Variants in UBTD1 observed in about 807,000 individuals in gnomAD.
UBTD1 encodes ubiquitin domain containing 1, also known as ubiquitin domain-containing protein 1.
A neutral mutation model predicts 21.7 loss-of-function variants in UBTD1; 19 were observed. The ratio of observed to expected loss-of-function variants is 0.87; its 90% CI spans 0.61 to 1.28. The LOEUF is 1.28. UBTD1 is among the 50% of genes most tolerant of loss of function. UBTD1 has a pLI of 0.00. For missense variants in UBTD1, 282 were observed against 315.1 expected (o/e 0.89, Z 0.80); for synonymous variants, 116 against 135.1 (o/e 0.86, Z 0.98).
In UBTD1 at chr10:97,570,376, C is replaced by A. The variant is rs376923046; in HGVS notation, c.537C>A (p.His179Gln). 6.2e-7 allele frequency: 1 copy of A among 1,613,302 alleles called. No individual in the cohort carries two copies. Among genetic ancestry groups the A allele is most frequent in the Non-Finnish European group, 8.5e-7 (1 of 1,179,980 alleles). ...TGGGGCAGCTCAAGAGGCAGCTGCA[C>A]GCCCAGGAGGGCATCGAGCCATCGT... ...DTVGQLKRQL[H>Q]AQEGIEPSWQ... is the part of the protein sequence containing the mutation. The change falls in exon 3 of 3, where the codon CAC becomes CAA. Residue 179 changes from histidine (H) to glutamine (Q), a missense_variant. His to Gln is a conservative substitution (Grantham distance 24). Transcript: ENST00000370664. This position sits in a 1 kb window ranked among gnomAD's most constrained non-coding sequence, Gnocchi z 6.6.
rs1372496846 is a variant in UBTD1, at chr10:97,570,495, T to G, written c.656T>G (p.Ile219Ser). ...IQKDFVIQVI[I>S]NQPPPPQD is the part of the protein sequence containing the mutation. ...AAAGATTTTGTCATCCAGGTCATCATCAACCAGCCCCCACCACCCCAGGAC... is the reference window on the plus strand; with the variant it reads ...AAAGATTTTGTCATCCAGGTCATCAGCAACCAGCCCCCACCACCCCAGGAC... The change falls in exon 3 of 3, where the codon ATC (isoleucine) becomes AGC (serine). Residue 219 changes from isoleucine (I) to serine (S), a missense_variant. Physicochemically the swap from Ile to Ser is moderately radical, Grantham distance 142. Coordinates refer to ENST00000370664, the MANE Select transcript of UBTD1 (RefSeq NM_024954.5). The surrounding 1 kb of genome is among the most constrained non-coding windows in gnomAD (Gnocchi z 6.6). 4 of 1,609,438 alleles carry G rather than the reference T, an allele frequency of 2.5e-6. No individual in the cohort carries two copies. Among genetic ancestry groups the G allele is most frequent in the Non-Finnish European group, 3.4e-6 (4 of 1,177,240 alleles).
intron 1 of UBTD1, among the ~76,000 whole-genome samples, chr10:97,553,587 C>CACTT (rs1334435221): frequency 1.3e-5 from 2 of 152,208 alleles, no homozygotes; most frequent in Non-Finnish European, 2.9e-5. Context: ...CTCCTATACA[C>CACTT]ACTTACCTCT....
chr10:97,500,386 A>G (rs992522453), intron 1 of UBTD1, among the ~76,000 whole-genome samples: 4 of 152,230 alleles, frequency 2.6e-5, no homozygotes, highest in African/African-American at 9.6e-5. Context: ...GAAGCAGGGA[A>G]GGATGTCTGC....
At chr10:97,569,315 T>C (rs1456809802) in intron 2 of UBTD1, among the ~76,000 whole-genome samples, 2 of 152,236 alleles carry the variant, frequency 1.3e-5, no homozygotes, top group African/African-American at 4.8e-5. Flanking sequence ...AATAAACATA[T>C]TTCTCCATGC....
At position 97,570,376 on chromosome 10, in the gene UBTD1, C is replaced by T. The variant is rs376923046; in HGVS notation, c.537C>T (p.His179=). Residue 179 remains histidine, a synonymous_variant, in exon 3 of 3, where the codon CAC becomes CAT. Coordinates refer to ENST00000370664, the MANE Select transcript of UBTD1 (RefSeq NM_024954.5). This position sits in a 1 kb window ranked among gnomAD's most constrained non-coding sequence, Gnocchi z 6.6. ...DTVGQLKRQL[H]AQEGIEPSWQ... ...TGGGGCAGCTCAAGAGGCAGCTGCA[C>T]GCCCAGGAGGGCATCGAGCCATCGT... The T allele has an allele frequency of 1.3e-5, 21 of 1,613,302 alleles. No individual in the cohort carries two copies. Among genetic ancestry groups the T allele is most frequent in the African/African-American group, 9.3e-5 (7 of 75,062 alleles).
chr10:97,543,028 G>A (rs1472630474), intron 1 of UBTD1, among the ~76,000 whole-genome samples: 1 of 152,262 alleles, frequency 6.6e-6, no homozygotes, highest in East Asian at 1.9e-4. Flanking sequence ...ATCCCAGGGA[G>A]CAGGCTCCAG....
intron 1 of UBTD1, among the ~76,000 whole-genome samples, chr10:97,556,203 A>G (rs1271670903): frequency 6.6e-6 from 1 of 152,106 alleles, no homozygotes; most frequent in South Asian, 2.1e-4. Flanking sequence ...CTGGGAACCA[A>G]TTTCCAAACA....
chr10:97,550,654 C>A (rs2040632858), intron 1 of UBTD1, among the ~76,000 whole-genome samples: 1 of 152,120 alleles, frequency 6.6e-6, no homozygotes, highest in Non-Finnish European at 1.5e-5. Flanking sequence ...TAGGGTCTGC[C>A]ATCCTTCCTT....
At chr10:97,528,077 C>T (rs1340592096) in intron 1 of UBTD1, among the ~76,000 whole-genome samples, 1 of 131,772 alleles carries the variant, frequency 7.6e-6, no homozygotes. Flanking sequence ...GGGCGGGGGG[C>T]TGACTCCCCC....
intron 1 of UBTD1, among the ~76,000 whole-genome samples, chr10:97,547,549 A>G (rs896480508): frequency 3.3e-5 from 5 of 152,088 alleles, no homozygotes; most frequent in South Asian, 4.2e-4. Flanking sequence ...AGACATCCCT[A>G]TGGCAGGAGT....
intron 1 of UBTD1, among the ~76,000 whole-genome samples, chr10:97,523,868 G>C (rs1014864237): frequency 6.6e-6 from 1 of 152,110 alleles, no homozygotes; most frequent in Non-Finnish European, 1.5e-5. Flanking sequence ...CCTTGTTCCT[G>C]CTGCTTCTGT....
At chr10:97,513,245 A>G (rs923048964) in intron 1 of UBTD1, among the ~76,000 whole-genome samples, 1 of 152,220 alleles carries the variant, frequency 6.6e-6, no homozygotes, top group African/African-American at 2.4e-5. Context: ...TTATACATGT[A>G]TATCTCATCA....
At chr10:97,518,877 C>T (rs1304694581) in intron 1 of UBTD1, among the ~76,000 whole-genome samples, 1 of 152,188 alleles carries the variant, frequency 6.6e-6, no homozygotes, top group African/African-American at 2.4e-5. Flanking sequence ...AGTACCAAAC[C>T]TTTTCCATGT....
At chr10:97,544,494 G>A (rs532895880) in intron 1 of UBTD1, among the ~76,000 whole-genome samples, 5 of 152,246 alleles carry the variant, frequency 3.3e-5, no homozygotes, top group Admixed American at 6.5e-5. Flanking sequence ...CTTGAACAAC[G>A]CAGGGTTAGG....
intron 1 of UBTD1, among the ~76,000 whole-genome samples, chr10:97,527,416 C>T (rs1412654522): frequency 1.3e-5 from 2 of 151,610 alleles, no homozygotes; most frequent in Non-Finnish European, 2.9e-5. Flanking sequence ...TGTCACTGGC[C>T]CAGAGGCCCT....
At chr10:97,510,720 G>A (rs572441687) in intron 1 of UBTD1, among the ~76,000 whole-genome samples, 15 of 152,210 alleles carry the variant, frequency 9.9e-5, no homozygotes, top group African/African-American at 3.4e-4. Context: ...GTGTGTCCTG[G>A]GTTATCTACT....
At chr10:97,523,131 A>AT (rs1198345508) in intron 1 of UBTD1, among the ~76,000 whole-genome samples, 1 of 152,212 alleles carries the variant, frequency 6.6e-6, no homozygotes, top group Non-Finnish European at 1.5e-5. Context: ...ACCTGGGAGC[A>AT]TTAACATCAG....
Position 97,570,380 on chromosome 10 carries a change from C to T in UBTD1, c.541C>T (p.Gln181Ter). ...VGQLKRQLHA[Q>*]EGIEPSWQRW... ...GCAGCTCAAGAGGCAGCTGCACGCC[C>T]AGGAGGGCATCGAGCCATCGTGGCA... Residue 181 changes from glutamine (Q) to a stop codon, truncating the protein, a stop_gained, in exon 3 of 3, where the codon CAG becomes TAG. Coordinates refer to ENST00000370664, the MANE Select transcript of UBTD1 (RefSeq NM_024954.5). LOFTEE classifies it high-confidence loss of function. This position sits in a 1 kb window ranked among gnomAD's most constrained non-coding sequence, Gnocchi z 6.6. The T allele has an allele frequency of 6.2e-7, 1 of 1,613,370 alleles. No individual in the cohort carries two copies. Among genetic ancestry groups the T allele is most frequent in the East Asian group, 2.2e-5 (1 of 44,884 alleles).
At chr10:97,561,060 C>A (rs923605286) in intron 1 of UBTD1, among the ~76,000 whole-genome samples, 4 of 152,144 alleles carry the variant, frequency 2.6e-5, no homozygotes, top group African/African-American at 9.7e-5. Context: ...ACTAGTCTTA[C>A]CAAGTTTCAG....
Sources: allele counts gnomAD v4.1 joint callset (sites outside exome capture counted in the v4.1 genomes callset), GRCh38; gene constraint gnomAD v4.1.1; non-coding constraint Gnocchi (gnomAD v3.1); transcripts MANE v1.5; gene names NCBI Gene and HGNC (gene_info 2026-07-23, HGNC 2026-07-21).